Variants in SNX29 observed in about 807,000 individuals in gnomAD.
SNX29 encodes sorting nexin-29.
In SNX29, 78 loss-of-function variants were observed where a neutral mutation model predicts 102.1. The observed-to-expected ratio is 0.76, with a 90% CI of 0.64 to 0.92. The LOEUF is 0.92. SNX29 is among the 40% of genes least tolerant of loss of function. The pLI, the probability that SNX29 is intolerant of heterozygous loss-of-function variation, is 0.00. For synonymous variants in SNX29, 580 were observed against 414.5 expected, an observed-to-expected ratio of 1.40 and a Z score of -4.85; for missense variants, 1,280 against 1,061.7, an observed-to-expected ratio of 1.21 and a Z score of -2.86.
intron 13 of SNX29, among the ~76,000 whole-genome samples, chr16:12,131,970 C>G (rs1302618253): frequency 6.6e-6 from 1 of 152,156 alleles, no homozygotes; most frequent in Non-Finnish European, 1.5e-5. Context: ...ATTTTCTCAC[C>G]TGGACCACCC....
At chr16:12,231,642 G>C (rs1316659484) in intron 14 of SNX29, among the ~76,000 whole-genome samples, 1 of 152,200 alleles carries the variant, frequency 6.6e-6, no homozygotes, top group Non-Finnish European at 1.5e-5. Context: ...AGTTATTTTG[G>C]AGGATGTGGT....
intron 14 of SNX29, among the ~76,000 whole-genome samples, chr16:12,243,366 G>T (rs532212308): frequency 6.6e-5 from 10 of 152,302 alleles, no homozygotes; most frequent in African/African-American, 2.4e-4. Context: ...TTGTTCTGCT[G>T]CCCTGCCATT....
chr16:12,286,837 C>T (rs533408673), intron 15 of SNX29, among the ~76,000 whole-genome samples: 1 of 152,068 alleles, frequency 6.6e-6, no homozygotes, highest in Admixed American at 6.5e-5. Context: ...ATCCCAGGTT[C>T]CATATTATTA....
At chr16:12,547,618 C>A (rs530659875) in intron 20 of SNX29, among the ~76,000 whole-genome samples, 15 of 152,252 alleles carry the variant, frequency 9.9e-5, no homozygotes, top group South Asian at 6.2e-4. Flanking sequence ...CTCAGCACCA[C>A]TAAGCTGTCC....
At chr16:12,171,715 G>T (rs1338795976) in intron 13 of SNX29, among the ~76,000 whole-genome samples, 1 of 152,268 alleles carries the variant, frequency 6.6e-6, no homozygotes, top group Non-Finnish European at 1.5e-5. Context: ...TGACCGAAAG[G>T]ATAGGGAGGC....
intron 8 of SNX29, among the ~76,000 whole-genome samples, chr16:12,053,875 C>G (rs566859568): frequency 6.6e-6 from 1 of 152,066 alleles, no homozygotes; most frequent in African/African-American, 2.4e-5. Context: ...GACAGAAGAA[C>G]AGGATTCCAT....
intron 5 of SNX29, among the ~76,000 whole-genome samples, chr16:12,043,609 A>T (rs964183113): frequency 6.6e-6 from 1 of 151,902 alleles, no homozygotes; most frequent in African/African-American, 2.4e-5. Context: ...TTCCCACCTC[A>T]GCCTCCCAAA....
intron 14 of SNX29, among the ~76,000 whole-genome samples, chr16:12,228,244 T>C (rs1029343867): frequency 2.6e-5 from 4 of 152,252 alleles, no homozygotes; most frequent in East Asian, 1.9e-4. Flanking sequence ...TGGACAGATA[T>C]TGACACCATA....
At chr16:12,290,507 G>T (rs2079757686) in intron 15 of SNX29, among the ~76,000 whole-genome samples, 1 of 152,160 alleles carries the variant, frequency 6.6e-6, no homozygotes, top group South Asian at 2.1e-4. Flanking sequence ...CTAGTACGGT[G>T]TCGTGAATGT....
intron 18 of SNX29, among the ~76,000 whole-genome samples, chr16:12,457,265 A>T (rs4327068): frequency 1.3e-5 from 2 of 152,060 alleles, no homozygotes; most frequent in Non-Finnish European, 2.9e-5. Context: ...TCCCCGCTCT[A>T]TAGATGCTAA....
At chr16:12,204,860 C>G (rs568162315) in intron 14 of SNX29, among the ~76,000 whole-genome samples, 6 of 152,228 alleles carry the variant, frequency 3.9e-5, no homozygotes, top group Middle Eastern at 3.4e-3. Flanking sequence ...CAGCGATTCC[C>G]GATTCCACTC....
In SNX29 at chr16:12,454,087, T is replaced by C. The variant is rs1009793670; in HGVS notation, c.2038-23632T>C. Among the ~76,000 whole-genome samples, 5 of 152,162 alleles carry C rather than the reference T, an allele frequency of 3.3e-5. No individual in the cohort carries two copies. In the East Asian group the frequency reaches 5.8e-4, roughly 18 times the overall value. On this transcript the variant is annotated intron_variant, in intron 18 of 20. Transcript: ENST00000566228. ...TAACTAAGATCTGGCCAGTAAGATA[T>C]AGGTAGATGTATTGGTTGTGGCTTC...
At chr16:12,188,668 AGAT>A (rs1555483352) in intron 13 of SNX29, among the ~76,000 whole-genome samples, 2 of 152,254 alleles carry the variant, frequency 1.3e-5, no homozygotes, top group East Asian at 1.9e-4. Context: ...GTGGCTAATG[AGAT>A]GGGCTTTATA....
intron 13 of SNX29, among the ~76,000 whole-genome samples, chr16:12,142,342 T>C (rs2054896335): frequency 6.6e-6 from 1 of 152,146 alleles, no homozygotes; most frequent in Non-Finnish European, 1.5e-5. Flanking sequence ...CCCTTCGCCA[T>C]TGTTAAGCAC....
chr16:12,256,282 G>A (rs2078570936), intron 14 of SNX29, among the ~76,000 whole-genome samples: 1 of 152,124 alleles, frequency 6.6e-6, no homozygotes, highest in African/African-American at 2.4e-5. Flanking sequence ...CCCCTTATCA[G>A]ACCTATTTTG....
At chr16:12,550,065 C>T (rs1448646608) in intron 20 of SNX29, among the ~76,000 whole-genome samples, 1 of 152,208 alleles carries the variant, frequency 6.6e-6, no homozygotes, top group East Asian at 1.9e-4. Flanking sequence ...TGTTTAGTCT[C>T]ACCCTTTATA....
intron 9 of SNX29, among the ~76,000 whole-genome samples, chr16:12,068,160 A>C (rs1461866226): frequency 6.6e-6 from 1 of 152,100 alleles, no homozygotes; most frequent in African/African-American, 2.4e-5. Context: ...GACTTCATGC[A>C]TAATTCCAGG....
intron 15 of SNX29, among the ~76,000 whole-genome samples, chr16:12,325,886 G>C (rs2081098028): frequency 1.3e-5 from 2 of 151,936 alleles, no homozygotes. Flanking sequence ...GCTATTAGTT[G>C]GGTGTGGGGG....
chr16:12,515,450 A>G, intron 19 of SNX29: 1 of 475,872 alleles, frequency 2.1e-6, no homozygotes, highest in South Asian at 1.6e-5. Context: ...CACCCCTGAA[A>G]TAGATCAGTC....
Sources: allele counts gnomAD v4.1 joint callset (sites outside exome capture counted in the v4.1 genomes callset), GRCh38; gene constraint gnomAD v4.1.1; transcripts MANE v1.5; gene names NCBI Gene and HGNC (gene_info 2026-07-23, HGNC 2026-07-21).